Variants in SLCO4C1 observed in about 807,000 individuals in gnomAD.
SLCO4C1 encodes the protein organic anion transporter M1.
SLCO4C1 carries 58 observed loss-of-function variants against 72.1 expected under a neutral mutation model. The observed-to-expected ratio is 0.80, with a 90% CI of 0.65 to 1.00. The LOEUF is 1.00. SLCO4C1 is among the 50% of genes least tolerant of loss of function. The pLI, the probability that SLCO4C1 is intolerant of heterozygous loss-of-function variation, is 0.00. For synonymous variants in SLCO4C1, 297 were observed against 312.5 expected, an observed-to-expected ratio of 0.95 and a Z score of 0.52; for missense variants, 898 against 857.9, an observed-to-expected ratio of 1.05 and a Z score of -0.58.
At chr5:102,254,967 C>T (rs1748807947) in intron 8 of SLCO4C1, among the ~76,000 whole-genome samples, 1 of 152,072 alleles carries the variant, frequency 6.6e-6, no homozygotes, top group Admixed American at 6.6e-5. Flanking sequence ...GTAATATACA[C>T]ATTTTAATAC....
At position 102,265,403 on chromosome 5, in the gene SLCO4C1, T is replaced by C. The variant is rs191461111; in HGVS notation, c.803-1623A>G. Among the ~76,000 whole-genome samples the C allele has an allele frequency of 2.6e-3, 389 of 152,282 alleles. 1 individual carries two copies. Among genetic ancestry groups the C allele is most frequent in the African/African-American group, 9.0e-3 (373 of 41,582 alleles). On this transcript the variant is annotated intron_variant, in intron 3 of 12. Transcript: ENST00000310954. Reference sequence around the variant, plus strand: ...CATATAATCTTTGCCTGGAACAATGTACTAAAGTGTTTCCCCTATGTTTTC... The same window carrying C: ...CATATAATCTTTGCCTGGAACAATGCACTAAAGTGTTTCCCCTATGTTTTC...
chr5:102,257,628 T>C (rs1748861419), intron 7 of SLCO4C1, among the ~76,000 whole-genome samples: 1 of 151,872 alleles, frequency 6.6e-6, no homozygotes, highest in African/African-American at 2.4e-5. Context: ...CTTTTTTTTT[T>C]TTTTTTTAAA....
intron 2 of SLCO4C1, among the ~76,000 whole-genome samples, chr5:102,274,814 C>G (rs1057082227): frequency 3.3e-5 from 5 of 152,122 alleles, no homozygotes; most frequent in African/African-American, 1.2e-4. Context: ...CTCCTCATCT[C>G]CTAACCTCCT....
Position 102,241,861 on chromosome 5 carries a change from A to C in SLCO4C1, c.1812-1079T>G, listed in dbSNP as rs886115534. The stretch of plus-strand genomic sequence containing the variant: ...AATAATTATCTACACAGAAAAAAAA[A>C]CACAACACTTTAACAAGAATCAAAA... On this transcript the variant is annotated intron_variant, in intron 10 of 12. Coordinates refer to ENST00000310954, the MANE Select transcript of SLCO4C1 (RefSeq NM_180991.5). Among the ~76,000 whole-genome samples the C allele has an allele frequency of 4.3e-4, 65 of 152,178 alleles. 1 individual carries two copies. Among genetic ancestry groups the C allele is most frequent in the Non-Finnish European group, 8.8e-4 (60 of 68,032 alleles).
intron 2 of SLCO4C1, among the ~76,000 whole-genome samples, chr5:102,285,214 C>CACAA (rs1749428040): frequency 6.8e-6 from 1 of 148,046 alleles, no homozygotes; most frequent in Non-Finnish European, 1.5e-5. Context: ...TATATACATA[C>CACAA]ACACACACAC....
At chr5:102,278,290 T>C (rs538722775) in intron 2 of SLCO4C1, among the ~76,000 whole-genome samples, 219 of 152,172 alleles carry the variant, frequency 1.4e-3, no homozygotes, top group African/African-American at 5.1e-3. Context: ...GAAAAAATAG[T>C]CAATTTACCA....
At chr5:102,270,134 A>G (rs1253007922) in intron 3 of SLCO4C1, among the ~76,000 whole-genome samples, 1 of 152,190 alleles carries the variant, frequency 6.6e-6, no homozygotes, top group South Asian at 2.1e-4. Flanking sequence ...TGCATTGTCT[A>G]GTTAGCTTTA....
At chr5:102,237,118 T>A in intron 12 of SLCO4C1, 100 bp from the exon 13 acceptor site, 1 of 1,173,810 alleles carries the variant, frequency 8.5e-7, no homozygotes, top group Non-Finnish European at 1.2e-6. Context: ...TTAAAGAGAA[T>A]AATTACATAA....
intron 2 of SLCO4C1, among the ~76,000 whole-genome samples, chr5:102,285,212 T>TACACACACACACACAC (rs3070619): frequency 1.1e-3 from 163 of 147,956 alleles, no homozygotes; most frequent in African/African-American, 3.9e-3. Flanking sequence ...TATATATACA[T>TACACACACACACACAC]ACACACACAC....
chr5:102,261,857 G>A (rs1580251586), intron 5 of SLCO4C1, 55 bp downstream of exon 5: 1 of 1,518,064 alleles, frequency 6.6e-7, no homozygotes, highest in Admixed American at 2.2e-5. Flanking sequence ...ATAGAAAATA[G>A]CAACTGGCCT....
intron 8 of SLCO4C1, among the ~76,000 whole-genome samples, chr5:102,256,685 G>T (rs1439083552): frequency 2.0e-5 from 3 of 152,126 alleles, no homozygotes; most frequent in Non-Finnish European, 2.9e-5. Flanking sequence ...TATTAGCAAG[G>T]ACTAGCTTTA....
At chr5:102,240,612 C>T (rs1748520440) in intron 11 of SLCO4C1, 106 bp downstream of exon 11, 1 of 803,304 alleles carries the variant, frequency 1.2e-6, no homozygotes, top group East Asian at 2.5e-5. Context: ...AATGATGTAG[C>T]CTTCCACTAT....
Position 102,237,000 on chromosome 5 carries a change from ATAACT to A in SLCO4C1, c.2028_2032del (p.Lys676AsnfsTer14), listed in dbSNP as rs2112329109. ...TGCAAATCCATTGAAGAACATGGTG[ATAACT>A]TTACAAGTAACACCTAAGTGAAAAA... On this transcript the variant is annotated frameshift_variant, in exon 13 of 13. Coordinates refer to ENST00000310954, the MANE Select transcript of SLCO4C1 (RefSeq NM_180991.5). LOFTEE classifies it low-confidence loss of function (END_TRUNC). 1.9e-6 allele frequency: 3 copies of A among 1,606,128 alleles called. No individual in the cohort carries two copies. The highest frequency in any genetic ancestry group is 2.2e-5 in the East Asian group (1 of 44,672).
intron 9 of SLCO4C1, among the ~76,000 whole-genome samples, chr5:102,248,833 TC>T (rs1392065589): frequency 1.3e-5 from 2 of 152,140 alleles, no homozygotes; most frequent in African/African-American, 4.8e-5. Flanking sequence ...TTTCCAAGGT[TC>T]TTAAGTTTAG....
intron 1 of SLCO4C1, among the ~76,000 whole-genome samples, chr5:102,292,029 T>C (rs1030951503): frequency 6.6e-6 from 1 of 152,096 alleles, no homozygotes; most frequent in Admixed American, 6.5e-5. Context: ...TTCACCATGT[T>C]GGCCAGGCTG....
chr5:102,269,865 C>T (rs1373506674), intron 3 of SLCO4C1, among the ~76,000 whole-genome samples: 1 of 151,756 alleles, frequency 6.6e-6, no homozygotes, highest in African/African-American at 2.4e-5. Context: ...AGACATATTC[C>T]TATAGATATA....
At chr5:102,265,906 G>C (rs193060160) in intron 3 of SLCO4C1, among the ~76,000 whole-genome samples, 114 of 152,202 alleles carry the variant, frequency 7.5e-4, no homozygotes, top group African/African-American at 2.7e-3. Context: ...GGGTAGTATA[G>C]ACAGTCATTT....
intron 10 of SLCO4C1, 58 bp downstream of exon 10, chr5:102,247,194 T>G: frequency 1.5e-6 from 2 of 1,318,516 alleles, no homozygotes; most frequent in Non-Finnish European, 2.0e-6. Flanking sequence ...CCCGAGTCCA[T>G]TTGTTTTCCA....
intron 3 of SLCO4C1, among the ~76,000 whole-genome samples, chr5:102,264,838 A>AC (rs1554058145): frequency 6.6e-6 from 1 of 151,638 alleles, no homozygotes; most frequent in Non-Finnish European, 1.5e-5. Context: ...ATGAGCTGAT[A>AC]TTTTTTCTTT....
Sources: gnomAD v4.1 joint callset for allele counts (sites outside exome capture counted in the v4.1 genomes callset) on GRCh38, gnomAD v4.1.1 for gene constraint, MANE v1.5 for transcripts, NCBI Gene and HGNC (gene_info 2026-07-23, HGNC 2026-07-21) for gene names.